BIRC2: variants seen among roughly 807,000 people sequenced by gnomAD.
The protein encoded by BIRC2 is baculoviral IAP repeat-containing protein 2.
BIRC2 carries 18 observed loss-of-function variants against 60.9 expected under a neutral mutation model. The ratio of observed to expected loss-of-function variants is 0.30; its 90% CI spans 0.20 to 0.44. The LOEUF is 0.44. BIRC2 is among the 20% of genes least tolerant of loss of function. The pLI is 1.00. For synonymous variants in BIRC2, 282 were observed against 247.7 expected, an observed-to-expected ratio of 1.14 and a Z score of -1.30; for missense variants, 701 against 728.5, an observed-to-expected ratio of 0.96 and a Z score of 0.43.
rs1951737746 is a variant in BIRC2 at position 102,378,357 on chromosome 11, A to G, written c.*174A>G. The G allele has an allele frequency of 1.9e-6, 1 of 530,284 alleles. No homozygotes were observed. Among genetic ancestry groups the G allele is most frequent in the East Asian group, 3.2e-5 (1 of 31,582 alleles). The allele number at this position is 530,284 out of a possible 1,614,324, so 32.8% of individuals were successfully genotyped here. ...CTGAAAAGATGGTATCATATATTTA[A>G]TCTTAATCTGTTTATTTACAAGGGA... is the stretch of plus-strand genomic sequence containing the variant. On this transcript the variant is annotated 3_prime_UTR_variant, in exon 9 of 9. Transcript: ENST00000227758.
Position 102,351,588 on chromosome 11 carries a change from CTGGGT to C in BIRC2, c.995+646_995+650del, listed in dbSNP as rs1222904717. On this transcript the variant is annotated intron_variant, in intron 3 of 8. Coordinates refer to ENST00000227758, the MANE Select transcript of BIRC2 (RefSeq NM_001166.5). The stretch of plus-strand genomic sequence containing the variant: ...CAGGATTGTGCCACTGAACTCCAGC[CTGGGT>C]AACAGAGCAAGACTCTGTCTCAAAA... Among the ~76,000 whole-genome samples the C allele has an allele frequency of 2.6e-5, 3 of 115,684 alleles. No individual in the cohort carries two copies. The East Asian group carries it at 8.2e-4, about 31-fold the overall frequency. 75.9% of individuals were successfully genotyped at this position (115,684 alleles called of 152,430 possible).
Position 102,368,693 on chromosome 11 carries a change from T to C in BIRC2, c.1366+145T>C, listed in dbSNP as rs1951582147. 6 of 1,166,480 alleles carry C rather than the reference T, an allele frequency of 5.1e-6. No individual in the cohort carries two copies. The South Asian group carries it at 6.7e-5, about 13-fold the overall frequency. The allele number at this position is 1,166,480 out of a possible 1,614,324, so 72.3% of individuals were successfully genotyped here. A position where few individuals can be genotyped will look rare whatever the true frequency, so the allele number is the denominator to read the frequency against. On this transcript the variant is annotated intron_variant, in intron 6 of 8. Transcript: ENST00000227758. ...CATTTCGAAACCATCCCTCCTTTTCTACCCCTTTCAATTGCTTCTAGTTGA... is the reference window on the plus strand; with the variant it reads ...CATTTCGAAACCATCCCTCCTTTTCCACCCCTTTCAATTGCTTCTAGTTGA...
chr11:102,374,824 G>A (rs535178221), intron 6 of BIRC2, among the ~76,000 whole-genome samples: 16 of 152,314 alleles, frequency 1.1e-4, no homozygotes, highest in South Asian at 4.1e-4. Context: ...GCGAGACTCC[G>A]TGGGCGTAGG....
rs1473020014 is a variant in BIRC2 at position 102,372,664 on chromosome 11, C to G, written c.1366+4116C>G. The stretch of plus-strand genomic sequence containing the variant: ...TTCTGTTGATTTGGGGTGGAGAGTT[C>G]TGTAGATGTCTATTAGGTCCACTTG... On this transcript the variant is annotated intron_variant, in intron 6 of 8. Transcript: ENST00000227758. Among the ~76,000 whole-genome samples the G allele has an allele frequency of 3.6e-5, 5 of 139,352 alleles. No individual in the cohort carries two copies. In the Admixed American group the frequency reaches 3.7e-4, roughly 10 times the overall value. 91.4% of individuals were successfully genotyped at this position (139,352 alleles called of 152,430 possible).
intron 4 of BIRC2, among the ~76,000 whole-genome samples, chr11:102,363,177 A>G (rs1409106362): frequency 2.0e-5 from 3 of 152,172 alleles, no homozygotes; most frequent in African/African-American, 7.2e-5. Flanking sequence ...CATGTTAATG[A>G]CATCTTTGGT....
chr11:102,363,578 T>TTTCTTTATTTTAGTG (rs1951509478), intron 4 of BIRC2, 90 bp from the exon 5 acceptor site: 1 of 972,836 alleles, frequency 1.0e-6, no homozygotes, highest in Admixed American at 2.0e-5. Flanking sequence ...AACATATACA[T>TTTCTTTATTTTAGTG]TTACTTAAAG....
At chr11:102,377,184 T>TA (rs1951725051) in intron 6 of BIRC2, among the ~76,000 whole-genome samples, 1 of 152,162 alleles carries the variant, frequency 6.6e-6, no homozygotes, top group Admixed American at 6.5e-5. Context: ...AGTAAAATGA[T>TA]ATAATGGAAA....
chr11:102,372,868 A>G (rs1445031672), intron 6 of BIRC2, among the ~76,000 whole-genome samples: 4 of 131,192 alleles, frequency 3.0e-5, no homozygotes, highest in Non-Finnish European at 4.8e-5. Context: ...GGGTGCATAT[A>G]TATTTAGGAT....
intron 5 of BIRC2, among the ~76,000 whole-genome samples, chr11:102,365,422 A>G (rs767535199): frequency 2.8e-4 from 42 of 152,170 alleles, no homozygotes; most frequent in Non-Finnish European, 5.7e-4. Context: ...AGGAAGATTT[A>G]TCTGTGCTTA....
intron 3 of BIRC2, among the ~76,000 whole-genome samples, chr11:102,351,529 C>G (rs1240033974): frequency 6.9e-6 from 1 of 144,390 alleles, no homozygotes. Flanking sequence ...ACAGGAGAAT[C>G]GCTTGAGCTC....
intron 6 of BIRC2, among the ~76,000 whole-genome samples, chr11:102,375,761 C>CA (rs1487497881): frequency 7.0e-6 from 1 of 142,312 alleles, no homozygotes; most frequent in Admixed American, 7.3e-5. Flanking sequence ...GCCTGGGTGA[C>CA]AGAGCCAGAC....
At chr11:102,351,721 T>G (rs989362569) in intron 3 of BIRC2, among the ~76,000 whole-genome samples, 4 of 152,158 alleles carry the variant, frequency 2.6e-5, no homozygotes, top group African/African-American at 9.7e-5. Context: ...TTTACCTCCT[T>G]TTAGCCACTT....
chr11:102,351,536 G>A (rs1256190235), intron 3 of BIRC2, among the ~76,000 whole-genome samples: 1 of 143,788 alleles, frequency 7.0e-6, no homozygotes, highest in Non-Finnish European at 1.5e-5. Flanking sequence ...AATCGCTTGA[G>A]CTCAGGAGGC....
intron 3 of BIRC2, among the ~76,000 whole-genome samples, chr11:102,359,066 A>G (rs914665454): frequency 1.3e-5 from 2 of 152,022 alleles, no homozygotes; most frequent in African/African-American, 4.8e-5. Context: ...TTGTGTTTAG[A>G]TGATTTTCTG....
At chr11:102,357,289 T>C (rs1422867373) in intron 3 of BIRC2, among the ~76,000 whole-genome samples, 1 of 150,806 alleles carries the variant, frequency 6.6e-6, no homozygotes, top group Non-Finnish European at 1.5e-5. Context: ...TCTTCTTCCT[T>C]CTTCCTCCTC....
Position 102,351,783 on chromosome 11 carries a change from G to A in BIRC2, c.995+840G>A, listed in dbSNP as rs1314269725. On this transcript the variant is annotated intron_variant, in intron 3 of 8. Transcript: ENST00000227758. ...ATAGCCTAGAAATAATTTAGGGGCA[G>A]TGTTATTAGTAGAAATAGAATTAAA... Among the ~76,000 whole-genome samples the A allele has an allele frequency of 2.6e-5, 4 of 152,170 alleles. No homozygotes were observed. The East Asian group carries it at 7.7e-4, about 29-fold the overall frequency.
At chr11:102,375,710 G>A (rs1951704240) in intron 6 of BIRC2, among the ~76,000 whole-genome samples, 1 of 151,490 alleles carries the variant, frequency 6.6e-6, no homozygotes, top group African/African-American at 2.4e-5. Flanking sequence ...AACCCGGGAG[G>A]CAGAGCTTGC....
intron 6 of BIRC2, among the ~76,000 whole-genome samples, chr11:102,374,115 G>T (rs1260138490): frequency 6.8e-6 from 1 of 147,908 alleles, no homozygotes; most frequent in Non-Finnish European, 1.5e-5. Flanking sequence ...TGGTTTGAAT[G>T]TCCTCCTGTA....
At chr11:102,372,579 A>G (rs1316667010) in intron 6 of BIRC2, among the ~76,000 whole-genome samples, 5 of 149,304 alleles carry the variant, frequency 3.3e-5, no homozygotes, top group African/African-American at 1.2e-4. Flanking sequence ...GGAGAGCTTT[A>G]CTTCCAACTA....
Sources: allele counts gnomAD v4.1 joint callset (sites outside exome capture counted in the v4.1 genomes callset), GRCh38; gene constraint gnomAD v4.1.1; transcripts MANE v1.5; gene names NCBI Gene and HGNC (gene_info 2026-07-23, HGNC 2026-07-21).